Variants in ST6GALNAC5 observed in about 807,000 individuals in gnomAD.
The protein encoded by ST6GALNAC5 is ST6 N-acetylgalactosaminide alpha-2,6-sialyltransferase 5.
In ST6GALNAC5, 27 loss-of-function variants were observed where a neutral mutation model predicts 33.6. The observed-to-expected ratio is 0.80, with a 90% confidence interval of 0.59 to 1.11. ST6GALNAC5 has a LOEUF of 1.11. ST6GALNAC5 is among the 50% of genes least tolerant of loss of function. The probability of loss-of-function intolerance (pLI) is 0.00; values close to 1 mark genes in which losing one functional copy is unlikely to be tolerated. For missense variants in ST6GALNAC5, 428 were observed against 454.0 expected (o/e 0.94, Z 0.52); for synonymous variants, 194 against 171.2 (o/e 1.13, Z -1.04).
At chr1:76,982,950 C>A (rs1649318566) in intron 2 of ST6GALNAC5, among the ~76,000 whole-genome samples, 1 of 151,912 alleles carries the variant, frequency 6.6e-6, no homozygotes, top group Non-Finnish European at 1.5e-5. Context: ...CCTTTACAGG[C>A]AAGCAAATGC....
chr1:76,943,929 C>A (rs1647420405), intron 2 of ST6GALNAC5, among the ~76,000 whole-genome samples: 1 of 152,046 alleles, frequency 6.6e-6, no homozygotes, highest in African/African-American at 2.4e-5. Context: ...TACAACAATA[C>A]CTAAATGTTG....
At chr1:77,009,447 G>T (rs184193605) in intron 2 of ST6GALNAC5, among the ~76,000 whole-genome samples, 251 of 152,242 alleles carry the variant, frequency 1.6e-3, no homozygotes, top group African/African-American at 5.8e-3. Flanking sequence ...TGCCCAGGTA[G>T]GCAGGGGAAA....
At chr1:76,912,759 T>C (rs1427536127) in intron 2 of ST6GALNAC5, among the ~76,000 whole-genome samples, 18 of 152,266 alleles carry the variant, frequency 1.2e-4, no homozygotes, top group East Asian at 1.9e-4. Context: ...CTGCCTTTTT[T>C]TGTTTTCCAT....
At chr1:76,992,208 T>C (rs2100397236) in intron 2 of ST6GALNAC5, among the ~76,000 whole-genome samples, 1 of 152,284 alleles carries the variant, frequency 6.6e-6, no homozygotes, top group Admixed American at 6.5e-5. Flanking sequence ...TTAAAACAGC[T>C]ATTTCTTGAA....
At chr1:76,961,088 A>G (rs1648218765) in intron 2 of ST6GALNAC5, among the ~76,000 whole-genome samples, 1 of 152,200 alleles carries the variant, frequency 6.6e-6, no homozygotes, top group South Asian at 2.1e-4. Flanking sequence ...AGAGACAGGC[A>G]TAAGAAATTA....
At chr1:76,905,117 G>A (rs945752193) in intron 2 of ST6GALNAC5, among the ~76,000 whole-genome samples, 2 of 152,074 alleles carry the variant, frequency 1.3e-5, no homozygotes, top group Non-Finnish European at 2.9e-5. Flanking sequence ...TGACAAAAGC[G>A]AAATTAAAAA....
chr1:76,926,208 A>G (rs990958978), intron 2 of ST6GALNAC5, among the ~76,000 whole-genome samples: 9 of 152,230 alleles, frequency 5.9e-5, no homozygotes, highest in Non-Finnish European at 1.3e-4. Context: ...TTAAAAAGTA[A>G]TGAATGCTCT....
intron 2 of ST6GALNAC5, among the ~76,000 whole-genome samples, chr1:76,968,828 T>C (rs894171434): frequency 2.6e-5 from 4 of 152,224 alleles, no homozygotes; most frequent in African/African-American, 9.6e-5. Context: ...TTATTTCTCC[T>C]TCACTTATGA....
rs1311057275 is a variant in ST6GALNAC5, at chr1:77,043,021, T to C, written c.262-1183T>C. On this transcript the variant is annotated intron_variant, in intron 2 of 4. Coordinates refer to ENST00000477717, the MANE Select transcript of ST6GALNAC5 (RefSeq NM_030965.3). ...CAGTGTAGTTCTGAAGACACAGCCA[T>C]GTCTCAGGAAACTCCCAAAATAAAC... is the stretch of plus-strand genomic sequence containing the variant. Among the ~76,000 whole-genome samples, 3 of 152,184 alleles carry C rather than the reference T, an allele frequency of 2.0e-5. No individual in the cohort carries two copies. In the East Asian group the frequency reaches 5.8e-4, roughly 29 times the overall value.
intron 2 of ST6GALNAC5, among the ~76,000 whole-genome samples, chr1:76,997,285 G>A (rs1424929318): frequency 6.6e-6 from 1 of 152,166 alleles, no homozygotes; most frequent in Non-Finnish European, 1.5e-5. Flanking sequence ...ACAAGACAGG[G>A]TAGAATGAAT....
intron 2 of ST6GALNAC5, among the ~76,000 whole-genome samples, chr1:77,025,851 A>G: frequency 6.6e-6 from 1 of 152,096 alleles, no homozygotes; most frequent in South Asian, 2.1e-4. Flanking sequence ...CAGGCCCCAG[A>G]GACCCACCCA....
At chr1:76,892,455 G>A (rs965558448) in intron 2 of ST6GALNAC5, among the ~76,000 whole-genome samples, 3 of 152,124 alleles carry the variant, frequency 2.0e-5, no homozygotes, top group Non-Finnish European at 4.4e-5. Context: ...GATAAATGTG[G>A]CTTCTGATAT....
intron 2 of ST6GALNAC5, among the ~76,000 whole-genome samples, chr1:76,915,906 T>TTCG (rs1267050553): frequency 9.5e-6 from 1 of 105,244 alleles, no homozygotes; most frequent in Non-Finnish European, 2.0e-5. Context: ...AAAAACTTCC[T>TTCG]TGGATAATAA....
intron 2 of ST6GALNAC5, among the ~76,000 whole-genome samples, chr1:77,033,504 C>T (rs1453714849): frequency 1.3e-5 from 2 of 152,144 alleles, no homozygotes; most frequent in Non-Finnish European, 2.9e-5. Flanking sequence ...GTGGAACTTG[C>T]CTCTTGGGGC....
intron 2 of ST6GALNAC5, among the ~76,000 whole-genome samples, chr1:76,901,272 T>C (rs1488715800): frequency 6.6e-6 from 1 of 152,240 alleles, no homozygotes; most frequent in Non-Finnish European, 1.5e-5. Flanking sequence ...TGAAAAGTCT[T>C]ACTGTACATC....
In ST6GALNAC5 at chr1:77,048,781, A is replaced by G. The variant is rs12041729; in HGVS notation, c.672-1477A>G. ...GAGATGTCAACGTACCAACATACCA[A>G]ACTTGGTGCTTTTCATACATGCTTG... On this transcript the variant is annotated intron_variant, in intron 3 of 4. Coordinates refer to ENST00000477717, the MANE Select transcript of ST6GALNAC5 (RefSeq NM_030965.3). 5.2e-3 allele frequency among the ~76,000 whole-genome samples: 792 copies of G among 152,278 alleles called. 8 individuals are homozygous for G. The highest frequency in any genetic ancestry group is 0.024 in the East Asian group (122 of 5,176).
chr1:76,872,681 T>C (rs1653537850), intron 2 of ST6GALNAC5, among the ~76,000 whole-genome samples: 1 of 152,202 alleles, frequency 6.6e-6, no homozygotes, highest in African/African-American at 2.4e-5. Context: ...AGTATATAAA[T>C]TATCAAACAC....
chr1:76,887,105 T>C (rs1356888153), intron 2 of ST6GALNAC5, among the ~76,000 whole-genome samples: 5 of 152,184 alleles, frequency 3.3e-5, no homozygotes, highest in Non-Finnish European at 5.9e-5. Flanking sequence ...CTCATATCCA[T>C]GGAGGCCGTG....
In ST6GALNAC5 at chr1:76,981,662, G is replaced by A. The variant is rs908907418; in HGVS notation, c.262-62542G>A. Among the ~76,000 whole-genome samples, 12 of 7,616 alleles carry A rather than the reference G, an allele frequency of 1.6e-3. 2 individuals carry two copies. The highest frequency in any genetic ancestry group is 7.2e-3 in the African/African-American group (12 of 1,668). 5.0% of individuals were successfully genotyped at this position (7,616 alleles called of 152,430 possible). A position where few individuals can be genotyped will look rare whatever the true frequency, so the allele number is the denominator to read the frequency against. On this transcript the variant is annotated intron_variant, in intron 2 of 4. Coordinates refer to ENST00000477717, the MANE Select transcript of ST6GALNAC5 (RefSeq NM_030965.3). ...TTCTCCCAGCATTGCATTTGAGCTCGAGAATGGACAGACTGCCTCCTCAAG... is the reference window on the plus strand; with the variant it reads ...TTCTCCCAGCATTGCATTTGAGCTCAAGAATGGACAGACTGCCTCCTCAAG...
Sources: gnomAD v4.1 joint callset for allele counts (sites outside exome capture counted in the v4.1 genomes callset) on GRCh38, gnomAD v4.1.1 for gene constraint, MANE v1.5 for transcripts, NCBI Gene and HGNC (gene_info 2026-07-23, HGNC 2026-07-21) for gene names.